Variants in EXT1 observed in about 807,000 individuals in gnomAD.
EXT1 encodes the protein exostosin-1.
EXT1 carries 20 observed loss-of-function variants against 82.5 expected under a neutral mutation model. The observed-to-expected ratio is 0.24, with a 90% confidence interval of 0.17 to 0.35. The LOEUF is 0.35. EXT1 is among the 10% of genes least tolerant of loss of function. The pLI is 1.00. For missense variants in EXT1, 757 were observed against 936.5 expected (o/e 0.81, Z 2.50); for synonymous variants, 348 against 350.8 (o/e 0.99, Z 0.09).
At chr8:118,029,191 G>A (rs908682989) in intron 1 of EXT1, among the ~76,000 whole-genome samples, 12 of 152,166 alleles carry the variant, frequency 7.9e-5, no homozygotes, top group African/African-American at 2.9e-4. Flanking sequence ...CACTTTGGGA[G>A]GCCGTGGCGG....
chr8:118,021,647 C>T (rs1244963339), intron 1 of EXT1, among the ~76,000 whole-genome samples: 1 of 152,126 alleles, frequency 6.6e-6, no homozygotes, highest in Non-Finnish European at 1.5e-5. Context: ...AGAATCGTTT[C>T]CCTGTGTGAT....
intron 1 of EXT1, among the ~76,000 whole-genome samples, chr8:117,848,839 C>G (rs539573370): frequency 6.6e-6 from 1 of 152,306 alleles, no homozygotes; most frequent in South Asian, 2.1e-4. Context: ...TCGTATCTTC[C>G]TGCAGTCCAT....
At chr8:117,828,849 C>T (rs1287722152) in intron 4 of EXT1, among the ~76,000 whole-genome samples, 1 of 152,076 alleles carries the variant, frequency 6.6e-6, no homozygotes, top group Non-Finnish European at 1.5e-5. Context: ...GACCAGAGCT[C>T]GCCCTAGGGT....
chr8:118,022,999 G>A (rs113127824), intron 1 of EXT1, among the ~76,000 whole-genome samples: 181 of 152,278 alleles, frequency 1.2e-3, no homozygotes, highest in African/African-American at 4.3e-3. Context: ...GGTGGTTAGA[G>A]GATTCATATC....
intron 1 of EXT1, among the ~76,000 whole-genome samples, chr8:118,045,144 T>C (rs1475635636): frequency 6.6e-6 from 1 of 152,238 alleles, no homozygotes; most frequent in Non-Finnish European, 1.5e-5. Flanking sequence ...TTGCCAGTCA[T>C]CTACCTTCTG....
chr8:117,922,884 C>G (rs1206021281), intron 1 of EXT1, among the ~76,000 whole-genome samples: 1 of 152,218 alleles, frequency 6.6e-6, no homozygotes, highest in African/African-American at 2.4e-5. Context: ...AGAGCCCACA[C>G]TGGACTAATC....
intron 1 of EXT1, among the ~76,000 whole-genome samples, chr8:117,988,401 G>A (rs922640682): frequency 3.3e-5 from 5 of 151,746 alleles, no homozygotes; most frequent in African/African-American, 1.2e-4. Flanking sequence ...CCTGGGCCCA[G>A]TCCAAGTGAT....
chr8:118,020,318 G>A (rs913376630), intron 1 of EXT1, among the ~76,000 whole-genome samples: 7 of 152,102 alleles, frequency 4.6e-5, no homozygotes, highest in Non-Finnish European at 7.4e-5. Context: ...AGAATTAGAA[G>A]GAACTACTAA....
At chr8:118,101,846 G>GGACTGGGCTT in intron 1 of EXT1, among the ~76,000 whole-genome samples, 1 of 152,146 alleles carries the variant, frequency 6.6e-6, no homozygotes, top group Non-Finnish European at 1.5e-5. Context: ...TGGGGAGTTA[G>GGACTGGGCTT]GGAGGACAGG....
At chr8:117,821,344 AACG>A (rs1411721642) in intron 5 of EXT1, among the ~76,000 whole-genome samples, 4 of 152,240 alleles carry the variant, frequency 2.6e-5, no homozygotes, top group African/African-American at 7.2e-5. Context: ...TTTAAACAGG[AACG>A]ACAAGTCATT....
chr8:118,107,509 C>T (rs1057044966), intron 1 of EXT1, among the ~76,000 whole-genome samples: 2 of 152,150 alleles, frequency 1.3e-5, no homozygotes, highest in African/African-American at 4.8e-5. Context: ...TCAATATCGC[C>T]TCCACCCAAA....
intron 1 of EXT1, among the ~76,000 whole-genome samples, chr8:118,098,758 C>CAAAAA (rs3050886): frequency 7.8e-6 from 1 of 128,114 alleles, no homozygotes. Context: ...GACTCTGTCT[C>CAAAAA]AAAAAAAAAA....
chr8:117,822,739 A>T (rs1811946456), intron 4 of EXT1, 142 bp from the exon 5 acceptor site: 2 of 869,952 alleles, frequency 2.3e-6, no homozygotes, highest in Admixed American at 2.0e-5. Flanking sequence ...CCGGATAAAA[A>T]TGTCTGCAAG....
rs575833153 is a variant in EXT1, at chr8:117,927,266, A to G, written c.963-90065T>C. ...TCAAAAAGGTTTTTTGGAAAAAAAA[A>G]GAAAAAAGGCAGAAACTCACTGTCT... On this transcript the variant is annotated intron_variant, in intron 1 of 10. Coordinates refer to ENST00000378204, the MANE Select transcript of EXT1 (RefSeq NM_000127.3). 1.3e-3 allele frequency among the ~76,000 whole-genome samples: 197 copies of G among 152,320 alleles called. 1 individual carries two copies. The highest frequency in any genetic ancestry group is 4.5e-3 in the African/African-American group (189 of 41,564).
intron 1 of EXT1, among the ~76,000 whole-genome samples, chr8:118,063,859 CTTATTTAT>C (rs58524588): frequency 1.3e-5 from 2 of 151,662 alleles, no homozygotes; most frequent in African/African-American, 4.9e-5. Flanking sequence ...TATTTATTTA[CTTATTTAT>C]TTATTTATTT....
intron 1 of EXT1, among the ~76,000 whole-genome samples, chr8:118,078,323 C>T (rs1415785361): frequency 2.0e-5 from 3 of 152,158 alleles, no homozygotes; most frequent in East Asian, 3.9e-4. Flanking sequence ...CTCTGCTTCC[C>T]GAGTAGCTGG....
At chr8:118,043,613 C>T (rs1563638425) in intron 1 of EXT1, among the ~76,000 whole-genome samples, 2 of 152,176 alleles carry the variant, frequency 1.3e-5, no homozygotes, top group Admixed American at 6.5e-5. Context: ...TAGTTGATCA[C>T]CCAGGAAATT....
At chr8:117,852,403 T>C (rs1349709614) in intron 1 of EXT1, among the ~76,000 whole-genome samples, 3 of 152,174 alleles carry the variant, frequency 2.0e-5, no homozygotes, top group African/African-American at 7.2e-5. Flanking sequence ...ATAACATCTT[T>C]CCCAGGGTCA....
At chr8:118,066,332 CTTTATTTATTTATTTA>C (rs71307424) in intron 1 of EXT1, among the ~76,000 whole-genome samples, 98 of 143,936 alleles carry the variant, frequency 6.8e-4, no homozygotes, top group African/African-American at 2.0e-3. Flanking sequence ...TTTTCTCTAG[CTTTATTTATTTATTTA>C]TTTATTTATT....
Sources: allele counts gnomAD v4.1 joint callset (sites outside exome capture counted in the v4.1 genomes callset), GRCh38; gene constraint gnomAD v4.1.1; transcripts MANE v1.5; gene names NCBI Gene and HGNC (gene_info 2026-07-23, HGNC 2026-07-21).